Variants in DYNC2I2 observed in about 807,000 individuals in gnomAD.
The protein encoded by DYNC2I2 is dynein 2 intermediate chain 2.
A neutral mutation model predicts 52.0 loss-of-function variants in DYNC2I2; 39 were observed. The ratio of observed to expected loss-of-function variants is 0.75; its 90% CI spans 0.58 to 0.98. The LOEUF (loss-of-function observed/expected upper bound fraction) is 0.98. Among genes scored for constraint, DYNC2I2 ranks in the 50% least tolerant of loss-of-function variants. DYNC2I2 has a pLI of 0.00. For missense variants in DYNC2I2, 743 were observed against 728.4 expected (o/e 1.02, Z -0.23); for synonymous variants, 359 against 321.1 (o/e 1.12, Z -1.26).
In DYNC2I2 at chr9:128,634,368, G is replaced by A. The variant is rs146817584; in HGVS notation, c.1230C>T (p.Ser410=). 6.3e-6 allele frequency: 10 copies of A among 1,594,854 alleles called. No homozygotes were observed. Among genetic ancestry groups the A allele is most frequent in the African/African-American group, 2.7e-5 (2 of 74,120 alleles). The change falls in exon 8 of 9, where the codon AGC becomes AGT. Residue 410 remains serine, a synonymous_variant. Coordinates refer to ENST00000372715, the MANE Select transcript of DYNC2I2 (RefSeq NM_052844.4). ...CSPFHRNLFL[S]AGTDGHVHLY... is the part of the protein sequence containing the mutation. ...GGTGGACATGCCCGTCAGTCCCAGC[G>A]CTCAGGAAGAGATTCCTAGACGGGA...
intron 1 of DYNC2I2, among the ~76,000 whole-genome samples, chr9:128,655,335 TAAAAAAAAAAAA>T (rs869197100): frequency 1.1e-4 from 2 of 18,684 alleles, no homozygotes; most frequent in Non-Finnish European, 2.3e-4. Flanking sequence ...CCGTCTCTAC[TAAAAAAAAAAAA>T]AAAAAAAAAA....
At position 128,640,641 on chromosome 9, in the gene DYNC2I2, C is replaced by T. The variant is rs377418439; in HGVS notation, c.435+50G>A. The T allele has an allele frequency of 1.3e-4, 198 of 1,578,532 alleles. No homozygotes were observed. The African/African-American group carries it at 2.5e-3, about 20-fold the overall frequency. The stretch of plus-strand genomic sequence containing the variant: ...TTGTGGGAAGGAAAACAAGAGGAGA[C>T]AGAAGTGGGGCAGGGGCTCGACCCG... On this transcript the variant is annotated intron_variant, in intron 2 of 8. Coordinates refer to ENST00000372715, the MANE Select transcript of DYNC2I2 (RefSeq NM_052844.4).
At chr9:128,655,979 A>G (rs1358921251) in intron 1 of DYNC2I2, among the ~76,000 whole-genome samples, 1 of 151,456 alleles carries the variant, frequency 6.6e-6, no homozygotes, top group Non-Finnish European at 1.5e-5. Flanking sequence ...AGGCCGAGGA[A>G]GGAGGACAGC....
intron 5 of DYNC2I2, 59 bp from the exon 6 acceptor site, chr9:128,635,318 G>C: frequency 6.4e-7 from 1 of 1,551,832 alleles, no homozygotes; most frequent in South Asian, 1.2e-5. Context: ...CAGGTGTCAC[G>C]CTCCACCCCT....
At chr9:128,674,471 T>TGGGGGGGG in the DYNC2I2 span, among the ~76,000 whole-genome samples, 1 of 146,664 alleles carries the variant, frequency 6.8e-6, no homozygotes, top group African/African-American at 2.5e-5. Context: ...TGGCCTGGCG[T>TGGGGGGGG]GGTGGCTCAC....
chr9:128,653,372 G>C (rs2132181490), intron 1 of DYNC2I2, among the ~76,000 whole-genome samples: 1 of 150,724 alleles, frequency 6.6e-6, no homozygotes, highest in East Asian at 1.9e-4. Flanking sequence ...AAGGTCGGGA[G>C]TTCAAAACCA....
the DYNC2I2 span, among the ~76,000 whole-genome samples, chr9:128,663,923 A>G: frequency 6.8e-6 from 1 of 147,964 alleles, no homozygotes. Flanking sequence ...AAAAACCTGG[A>G]ATTACAAGTG....
rs548224589 is a variant in DYNC2I2, at chr9:128,640,949, G to A, written c.187-10C>T. The A allele has an allele frequency of 1.8e-4, 285 of 1,573,738 alleles. 1 individual carries two copies. Among genetic ancestry groups the A allele is most frequent in the Non-Finnish European group, 2.3e-4 (265 of 1,157,938 alleles). ...CCGTCTGGCAACTTTTCTGGGGGGA[G>A]GGTGAAAACAAGTGTCACCACCCAG... On this transcript the variant is annotated splice_polypyrimidine_tract_variant and intron_variant, in intron 1 of 8. Coordinates refer to ENST00000372715, the MANE Select transcript of DYNC2I2 (RefSeq NM_052844.4).
chr9:128,647,517 C>T (rs531974024), intron 1 of DYNC2I2, among the ~76,000 whole-genome samples: 2 of 152,042 alleles, frequency 1.3e-5, no homozygotes, highest in African/African-American at 2.4e-5. Context: ...GGGTGGATCA[C>T]GAGGTCAGGA....
At chr9:128,640,647 T>C (rs762814415) in intron 2 of DYNC2I2, 44 bp downstream of exon 2, 2 of 1,583,900 alleles carry the variant, frequency 1.3e-6, no homozygotes, top group African/African-American at 1.3e-5. Flanking sequence ...GAGACAGAAG[T>C]GGGGCAGGGG....
chr9:128,670,348 G>A, the DYNC2I2 span, among the ~76,000 whole-genome samples: 1 of 151,904 alleles, frequency 6.6e-6, no homozygotes, highest in Admixed American at 6.6e-5. Flanking sequence ...GCTAAGGCAG[G>A]AAAATCGCTT....
chr9:128,636,059 C>A (rs1280563830), intron 4 of DYNC2I2: 3 of 797,092 alleles, frequency 3.8e-6, no homozygotes, highest in East Asian at 2.7e-5. Context: ...CTCTCCACAG[C>A]CCCCTGTCCT....
the DYNC2I2 span, among the ~76,000 whole-genome samples, chr9:128,666,906 A>T: frequency 6.6e-6 from 1 of 152,044 alleles, no homozygotes; most frequent in African/African-American, 2.4e-5. Context: ...GTTGCTACGA[A>T]ATACAAAAAT....
At chr9:128,684,065 C>CT in the DYNC2I2 span, 1 of 1,352,214 alleles carries the variant, frequency 7.4e-7, no homozygotes, top group African/African-American at 1.5e-5. Context: ...GATTGACTCT[C>CT]TGATTTTTAC....
rs1272307443 is a variant in DYNC2I2 at position 128,635,680 on chromosome 9, G to A, written c.791C>T (p.Thr264Ile). ...GACCTGGGACACAGGGTCTGTGTGG[G>A]TGTCATCCGTCAGGCCTGTGCGCCA... The part of the protein sequence containing the change: ...LLWRTGLTDD[T>I]HTDPVSQVVW... Residue 264 changes from threonine (T) to isoleucine (I), a missense_variant, in exon 5 of 9, where the codon ACC becomes ATC. Coordinates refer to ENST00000372715, the MANE Select transcript of DYNC2I2 (RefSeq NM_052844.4). 4 of 1,609,980 alleles carry A rather than the reference G, an allele frequency of 2.5e-6. No individual in the cohort carries two copies. The highest frequency in any genetic ancestry group is 2.7e-5 in the African/African-American group (2 of 74,806).
At chr9:128,649,862 G>A (rs1365568488) in intron 1 of DYNC2I2, among the ~76,000 whole-genome samples, 1 of 53,426 alleles carries the variant, frequency 1.9e-5, no homozygotes, top group South Asian at 6.4e-4. Flanking sequence ...GCATGGTGGT[G>A]CGTGCCTGTA....
chr9:128,678,341 T>A, the DYNC2I2 span, among the ~76,000 whole-genome samples: 1 of 151,710 alleles, frequency 6.6e-6, no homozygotes, highest in Non-Finnish European at 1.5e-5. Context: ...GTGCTGGGAT[T>A]ACAGGTGTGA....
At chr9:128,636,665 G>C (rs1263654232) in intron 3 of DYNC2I2, among the ~76,000 whole-genome samples, 1 of 152,216 alleles carries the variant, frequency 6.6e-6, no homozygotes, top group Non-Finnish European at 1.5e-5. Context: ...TGCAGGATGG[G>C]GAAGCAGCTG....
chr9:128,635,386 C>CAG, intron 5 of DYNC2I2, 127 bp from the exon 6 acceptor site: 1 of 1,243,346 alleles, frequency 8.0e-7, no homozygotes, highest in Non-Finnish European at 1.1e-6. Context: ...GAACCAGGCT[C>CAG]ACCCACCAGG....
Sources: allele counts gnomAD v4.1 joint callset (sites outside exome capture counted in the v4.1 genomes callset), GRCh38; gene constraint gnomAD v4.1.1; transcripts MANE v1.5; gene names NCBI Gene and HGNC (gene_info 2026-07-23, HGNC 2026-07-21).